The following F8 variants were observed in gnomAD, a reference collection of about 807,000 sequenced individuals.
F8 encodes the protein coagulation factor VIII.
In F8, 12 loss-of-function variants were observed where a neutral mutation model predicts 140.6. That is an observed-to-expected ratio of 0.09 (90% CI 0.05 to 0.14). F8 has a LOEUF of 0.14. Among genes scored for constraint, F8 ranks in the 10% least tolerant of loss-of-function variants. The probability of loss-of-function intolerance (pLI) is 1.00; values close to 1 mark genes in which losing one functional copy is unlikely to be tolerated. For missense variants in F8, 1,354 were observed against 1,720.7 expected (o/e 0.79, Z 3.77); for synonymous variants, 585 against 614.6 (o/e 0.95, Z 0.71).
intron 25 of F8, among the ~76,000 whole-genome samples, chrX:154,851,091 A>G (rs1557272120): frequency 9.0e-6 from 1 of 111,709 alleles, no homozygotes; most frequent in Non-Finnish European, 1.9e-5. Flanking sequence ...GGCAACCACT[A>G]ATCTGTTTTC....
In F8 at chrX:154,836,633, A is replaced by G. The variant is rs1395003034; in HGVS notation, c.*964T>C. On this transcript the variant is annotated 3_prime_UTR_variant, in exon 26 of 26. Transcript: ENST00000360256. ...ACTGAGTGCATTATTAGAATTACAA[A>G]GTTTGTATCTCCTATCTCAGATAAC... is the stretch of plus-strand genomic sequence containing the variant. The G allele has an allele frequency of 8.9e-6, 1 of 111,974 alleles. No individual in the cohort carries two copies. Among genetic ancestry groups the G allele is most frequent in the African/African-American group, 3.2e-5 (1 of 30,795 alleles). The allele number at this position is 111,974 out of a possible 1,213,427, so 9.2% of individuals were successfully genotyped here.
intron 1 of F8, among the ~76,000 whole-genome samples, chrX:155,006,051 A>G (rs1423681479): frequency 8.9e-6 from 1 of 112,670 alleles, no homozygotes. Flanking sequence ...AAAAAAGCAG[A>G]CAATAATTTT....
intron 22 of F8, among the ~76,000 whole-genome samples, chrX:154,866,103 C>T (rs1176939127): frequency 1.8e-5 from 2 of 111,277 alleles, no homozygotes; most frequent in Admixed American, 9.6e-5. Context: ...GGTGGCTATA[C>T]TTGTATGAGA....
intron 11 of F8, among the ~76,000 whole-genome samples, chrX:154,956,394 G>T (rs1327641979): frequency 2.7e-5 from 3 of 112,297 alleles, no homozygotes; most frequent in African/African-American, 9.7e-5. Flanking sequence ...GGTTGGGGAA[G>T]TGATAAATGT....
chrX:154,962,487 T>C (rs894384154), intron 9 of F8, among the ~76,000 whole-genome samples: 1 of 112,015 alleles, frequency 8.9e-6, no homozygotes, highest in Non-Finnish European at 1.9e-5. Flanking sequence ...GGAGATAAAA[T>C]CTTCAGTGCA....
intron 21 of F8, chrX:154,897,872 A>T (rs2072990280): frequency 8.9e-6 from 1 of 112,125 alleles, no homozygotes; most frequent in Non-Finnish European, 1.9e-5. Flanking sequence ...CAACTGATGA[A>T]TGCTTGACAA....
At chrX:154,965,806 C>T (rs1249672728) in intron 9 of F8, 164 bp downstream of exon 9, 4 of 497,575 alleles carry the variant, frequency 8.0e-6, no homozygotes, top group African/African-American at 7.2e-5. Flanking sequence ...ATTCTATATA[C>T]TCAAACTTTA....
At chrX:155,017,307 G>A (rs1275238487) in intron 1 of F8, among the ~76,000 whole-genome samples, 1 of 112,271 alleles carries the variant, frequency 8.9e-6, no homozygotes, top group Admixed American at 9.4e-5. Context: ...GTATGACCCT[G>A]CACAGAGTAT....
chrX:154,966,433 C>A lies in F8; in HGVS notation c.1264G>T (p.Asp422Tyr). The A allele has an allele frequency of 8.3e-7, 1 of 1,210,869 alleles. No homozygotes were observed. The highest frequency in any genetic ancestry group is 1.8e-5 in the South Asian group (1 of 56,900). ...WDYAPLVLAP[D>Y]DRSYKSQYLN... ...TAGTCAAAAAGTGCTTACCTGTCATCGGGGGCGAGGACTAAGGGAGCATAG... is the reference window on the plus strand; with the variant it reads ...TAGTCAAAAAGTGCTTACCTGTCATAGGGGGCGAGGACTAAGGGAGCATAG... The change falls in exon 8 of 26, where the codon GAT (aspartate) becomes TAT (tyrosine). Residue 422 changes from aspartate to tyrosine, a missense_variant. Asp to Tyr is a radical substitution (Grantham distance 160). Transcript: ENST00000360256.
At chrX:154,900,829 A>C (rs917472346) in intron 20 of F8, among the ~76,000 whole-genome samples, 2 of 112,236 alleles carry the variant, frequency 1.8e-5, no homozygotes, top group African/African-American at 3.2e-5. Context: ...ATGATATGTA[A>C]ATTAATGGAC....
chrX:154,899,575 A>C (rs1473656300), intron 21 of F8, among the ~76,000 whole-genome samples: 1 of 112,060 alleles, frequency 8.9e-6, no homozygotes, highest in Non-Finnish European at 1.9e-5. Flanking sequence ...GGGCAGTTGG[A>C]AGCATCTAAT....
intron 25 of F8, among the ~76,000 whole-genome samples, chrX:154,854,791 C>A (rs1399494715): frequency 8.9e-6 from 1 of 111,870 alleles, no homozygotes; most frequent in Non-Finnish European, 1.9e-5. Context: ...ACACTAATGA[C>A]TATTTTCAGT....
intron 25 of F8, among the ~76,000 whole-genome samples, chrX:154,850,735 T>C (rs2072609649): frequency 9.0e-6 from 1 of 111,589 alleles, no homozygotes; most frequent in Non-Finnish European, 1.9e-5. Flanking sequence ...ATAAAAGATA[T>C]TTTCATTAGG....
intron 4 of F8, among the ~76,000 whole-genome samples, chrX:154,992,342 T>A (rs1164710890): frequency 8.9e-6 from 1 of 112,255 alleles, no homozygotes; most frequent in Non-Finnish European, 1.9e-5. Context: ...CCATAAAAAA[T>A]AGGATAAAAA....
At chrX:154,844,786 T>C (rs1195730831) in intron 25 of F8, among the ~76,000 whole-genome samples, 1 of 110,678 alleles carries the variant, frequency 9.0e-6, no homozygotes, top group Non-Finnish European at 1.9e-5. Context: ...CCTTTATTTC[T>C]TTCTCCTGCC....
chrX:154,982,433 A>G (rs1474537964), intron 6 of F8, among the ~76,000 whole-genome samples: 36 of 89,882 alleles, frequency 4.0e-4, no homozygotes, highest in African/African-American at 7.2e-4. Context: ...GGGCGACAGC[A>G]AGACTCCGTC....
chrX:155,022,484 T>C lies in F8; in HGVS notation c.69A>G (p.Arg23=), dbSNP rs150495273. ...LLRFCFSATR[R]YYLGAVELSW... is the part of the protein sequence containing the mutation. ...ACAGTTCCACTGCACCCAGGTAGTA[T>C]CTTCTGGTGGCACTAAAGCAGAATC... The change falls in exon 1 of 26, where the codon AGA becomes AGG. Residue 23 remains arginine, a synonymous_variant. Transcript: ENST00000360256. The C allele has an allele frequency of 4.8e-5, 58 of 1,208,669 alleles. No individual in the cohort carries two copies. In the African/African-American group the frequency reaches 1.0e-3, roughly 21 times the overall value.
intron 15 of F8, 60 bp from the exon 16 acceptor site, chrX:154,905,083 C>A (rs781817849): frequency 1.3e-4 from 128 of 958,315 alleles, no homozygotes; most frequent in Non-Finnish European, 1.8e-4. Flanking sequence ...ATCTTAAGGT[C>A]CTTAGGGTTT....
chrX:154,935,647 C>G (rs1291747644), intron 13 of F8, among the ~76,000 whole-genome samples: 1 of 111,234 alleles, frequency 9.0e-6, no homozygotes, highest in East Asian at 2.8e-4. Flanking sequence ...GATGTGACAT[C>G]AAAAGCACAA....
Sources: gnomAD v4.1 joint callset for allele counts (sites outside exome capture counted in the v4.1 genomes callset) on GRCh38, gnomAD v4.1.1 for gene constraint, MANE v1.5 for transcripts, NCBI Gene and HGNC (gene_info 2026-07-23, HGNC 2026-07-21) for gene names.